LINS1: variants seen among roughly 807,000 people sequenced by gnomAD.
LINS1 encodes protein Lines homolog 1.
In LINS1, 27 loss-of-function variants were observed where a neutral mutation model predicts 41.6. The observed-to-expected ratio is 0.65, with a 90% confidence interval of 0.48 to 0.89. The LOEUF is 0.89. LINS1 is among the 40% of genes least tolerant of loss of function. The pLI is 0.00. For synonymous variants in LINS1, 336 were observed against 312.9 expected (o/e 1.07, Z -0.78); for missense variants, 955 against 884.1 (o/e 1.08, Z -1.02).
rs1299657098 is a variant in LINS1, at chr15:100,569,116, C to T, written c.*122G>A. The T allele has an allele frequency of 1.0e-5, 6 of 578,900 alleles. No individual in the cohort carries two copies. Among genetic ancestry groups the T allele is most frequent in the Admixed American group, 4.2e-5 (1 of 23,790 alleles). The allele number at this position is 578,900 out of a possible 1,614,324, so 35.9% of individuals were successfully genotyped here. A position where few individuals can be genotyped will look rare whatever the true frequency, so the allele number is the denominator to read the frequency against. On this transcript the variant is annotated 3_prime_UTR_variant, in exon 7 of 7. Coordinates refer to ENST00000314742, the MANE Select transcript of LINS1 (RefSeq NM_001040616.3). The stretch of plus-strand genomic sequence containing the variant: ...CCGGCCTGAGCGACAGAATGAGATT[C>T]TGTCTCAAAAAAAAAAAAAAAAAAG...
At chr15:100,597,060 T>C (rs1217710379) in intron 1 of LINS1, 2 of 152,228 alleles carry the variant, frequency 1.3e-5, no homozygotes, top group Non-Finnish European at 2.9e-5. Flanking sequence ...TAGCGAGCCC[T>C]GACCACATTA....
At chr15:100,582,459 C>CT (rs1356994225) in intron 1 of LINS1, among the ~76,000 whole-genome samples, 2 of 140,052 alleles carry the variant, frequency 1.4e-5, no homozygotes, top group African/African-American at 2.7e-5. Context: ...ACACTATGGC[C>CT]ACTAGCCTAG....
At chr15:100,583,769 T>C (rs1462306003) in intron 1 of LINS1, among the ~76,000 whole-genome samples, 2 of 152,230 alleles carry the variant, frequency 1.3e-5, no homozygotes, top group Admixed American at 6.5e-5. Flanking sequence ...ACTCTCCCTA[T>C]TGCAACTGCC....
At chr15:100,600,551 C>CAAAAAAAAAAAAAAAAAAAAAAAAAAA (rs56911211) in intron 1 of LINS1, among the ~76,000 whole-genome samples, 1 of 79,674 alleles carries the variant, frequency 1.3e-5, no homozygotes, top group African/African-American at 6.7e-5. Flanking sequence ...TGCTGTTAAG[C>CAAAAAAAAAAAAAAAAAAAAAAAAAAA]AAAAAAAAAA....
intron 1 of LINS1, among the ~76,000 whole-genome samples, chr15:100,581,842 T>A (rs991311503): frequency 5.3e-5 from 8 of 152,222 alleles, no homozygotes; most frequent in Admixed American, 5.2e-4. Context: ...GTAAACTCAT[T>A]TTAACATTCC....
At chr15:100,595,325 CA>C (rs1306025504) in intron 1 of LINS1, among the ~76,000 whole-genome samples, 2 of 116,698 alleles carry the variant, frequency 1.7e-5, no homozygotes, top group Non-Finnish European at 3.6e-5. Context: ...AAAGAACTCC[CA>C]AAACTCAACA....
rs1105656 is a variant in LINS1, at chr15:100,568,483, C to T, written c.*755G>A. On this transcript the variant is annotated 3_prime_UTR_variant, in exon 7 of 7. Transcript: ENST00000314742. ...CCATGTGAGGCAGGAACTGGAGTGACGCCACTACAAGACAAGGGACACCAT... is the reference window on the plus strand; with the variant it reads ...CCATGTGAGGCAGGAACTGGAGTGATGCCACTACAAGACAAGGGACACCAT... The T allele has an allele frequency of 0.19, 29,192 of 152,196 alleles. 3,054 individuals carry two copies. The highest frequency in any genetic ancestry group is 0.29 in the Admixed American group (4,401 of 15,272). The allele number at this position is 152,196 out of a possible 1,614,324, so 9.4% of individuals were successfully genotyped here.
At chr15:100,570,967 TGAG>T (rs982836176) in intron 6 of LINS1, among the ~76,000 whole-genome samples, 1 of 152,112 alleles carries the variant, frequency 6.6e-6, no homozygotes, top group African/African-American at 2.4e-5. Flanking sequence ...TTCCACTTCC[TGAG>T]GAGTAAGGAG....
chr15:100,591,052 C>T (rs1315353851), intron 1 of LINS1, among the ~76,000 whole-genome samples: 2 of 152,098 alleles, frequency 1.3e-5, no homozygotes, highest in Non-Finnish European at 2.9e-5. Flanking sequence ...TGGCACATGC[C>T]TGTAATCCCA....
chr15:100,570,538 G>A (rs2037765808), intron 6 of LINS1: 1 of 156,644 alleles, frequency 6.4e-6, no homozygotes, highest in Non-Finnish European at 1.4e-5. Context: ...ACAAGGCTCT[G>A]TGACCCAAGT....
At chr15:100,576,513 T>C (rs2038190152) in intron 3 of LINS1, 1 of 152,182 alleles carries the variant, frequency 6.6e-6, no homozygotes, top group African/African-American at 2.4e-5. Flanking sequence ...TAATAGGCTC[T>C]TAAATTGAGG....
intron 4 of LINS1, among the ~76,000 whole-genome samples, chr15:100,574,504 T>C (rs754043210): frequency 8.5e-5 from 13 of 152,158 alleles, no homozygotes; most frequent in Non-Finnish European, 1.5e-4. Flanking sequence ...GGTCAGGAGT[T>C]TGAGACCAGC....
chr15:100,580,973 T>A, intron 1 of LINS1, 28 bp from the exon 2 acceptor site: 2 of 814,072 alleles, frequency 2.5e-6, no homozygotes, highest in African/African-American at 3.5e-5. Flanking sequence ...ATTTAAAAAT[T>A]CTAACTGCTA....
chr15:100,580,508 G>A lies in LINS1; in HGVS notation c.335C>T (p.Ala112Val), dbSNP rs1486124739. Reference sequence around the variant, plus strand: ...AATTACATCTCTGTACTGCTCCTTTGCATGGAACTCGGTTTTGACAGACAA... The same window carrying A: ...AATTACATCTCTGTACTGCTCCTTTACATGGAACTCGGTTTTGACAGACAA... ...RILSVKTEFH[A>V]KEQYRDVIKI... is the part of the protein sequence containing the mutation. Residue 112 changes from alanine (A) to valine (V), a missense_variant, in exon 2 of 7, where the codon GCA becomes GTA. Ala to Val is a moderately conservative substitution (Grantham distance 64, BLOSUM62 0). Coordinates refer to ENST00000314742, the MANE Select transcript of LINS1 (RefSeq NM_001040616.3). 6.2e-7 allele frequency: 1 copy of A among 1,613,956 alleles called. No individual in the cohort carries two copies. Among genetic ancestry groups the A allele is most frequent in the Non-Finnish European group, 8.5e-7 (1 of 1,179,914 alleles).
At chr15:100,573,543 C>G in intron 5 of LINS1, 108 bp downstream of exon 5, 1 of 800,606 alleles carries the variant, frequency 1.2e-6, no homozygotes, top group Non-Finnish European at 2.0e-6. Context: ...GGATAACATA[C>G]AGCTTAAATT....
chr15:100,588,406 C>G (rs1053640336), intron 1 of LINS1, among the ~76,000 whole-genome samples: 2 of 152,110 alleles, frequency 1.3e-5, no homozygotes, highest in Non-Finnish European at 2.9e-5. Context: ...TTTTAATTAA[C>G]TGGTTAATAA....
chr15:100,572,525 A>T (rs1436514133), intron 5 of LINS1: 3 of 1,001,402 alleles, frequency 3.0e-6, no homozygotes, highest in Non-Finnish European at 3.6e-6. Context: ...TATTAAGCAC[A>T]AAAATAAAAA....
chr15:100,574,940 T>C (rs1188262090), intron 4 of LINS1, 47 bp downstream of exon 4: 1 of 1,593,862 alleles, frequency 6.3e-7, no homozygotes, highest in African/African-American at 1.3e-5. Context: ...AATGCAACGC[T>C]CCCAGGAGCA....
In LINS1 at chr15:100,574,225, G is replaced by A. The variant is rs1165687409; in HGVS notation, c.648C>T (p.Phe216=). ...CSQKTEILKQ[F]LTHFDTIFEV... is the part of the protein sequence containing the mutation. ...CAAAAATGGTGTCGAAATGAGTCAG[G>A]AACTGCTTTAGAATTTCTGCAATTA... The change falls in exon 5 of 7, where the codon TTC becomes TTT. Residue 216 remains phenylalanine, a synonymous_variant. Transcript: ENST00000314742. 3 of 1,603,234 alleles carry A rather than the reference G, an allele frequency of 1.9e-6. No individual in the cohort carries two copies. In the Admixed American group the frequency reaches 5.0e-5, roughly 27 times the overall value.
Sources: gnomAD v4.1 joint callset for allele counts (sites outside exome capture counted in the v4.1 genomes callset) on GRCh38, gnomAD v4.1.1 for gene constraint, MANE v1.5 for transcripts, NCBI Gene and HGNC (gene_info 2026-07-23, HGNC 2026-07-21) for gene names.